The following CHRM3 variants were observed in gnomAD, a reference collection of about 807,000 sequenced individuals.
CHRM3 encodes the protein muscarinic acetylcholine receptor M3.
CHRM3 carries 11 observed loss-of-function variants against 41.8 expected under a neutral mutation model. The ratio of observed to expected loss-of-function variants is 0.26; its 90% confidence interval spans 0.17 to 0.44. CHRM3 has a LOEUF of 0.44. CHRM3 is among the 20% of genes least tolerant of loss of function. The pLI is 1.00. For missense variants in CHRM3, 571 were observed against 745.4 expected, an observed-to-expected ratio of 0.77 and a Z score of 2.72; for synonymous variants, 297 against 301.4, an observed-to-expected ratio of 0.99 and a Z score of 0.15.
At chr1:239,616,863 A>G (rs1432113927) in intron 3 of CHRM3, among the ~76,000 whole-genome samples, 1 of 114,022 alleles carries the variant, frequency 8.8e-6, no homozygotes, top group East Asian at 2.2e-4. Flanking sequence ...TTCCAAATCC[A>G]TTAGTCATTG....
intron 3 of CHRM3, among the ~76,000 whole-genome samples, chr1:239,580,770 A>G (rs1662828755): frequency 6.9e-6 from 1 of 144,998 alleles, no homozygotes; most frequent in Admixed American, 7.1e-5. Flanking sequence ...ATATATGTAA[A>G]TATATATATA....
At chr1:239,464,235 G>A (rs953126479) in intron 1 of CHRM3, among the ~76,000 whole-genome samples, 2 of 149,424 alleles carry the variant, frequency 1.3e-5, no homozygotes, top group Non-Finnish European at 3.0e-5. Flanking sequence ...AACCAAGATC[G>A]TGCCACTGCA....
intron 6 of CHRM3, among the ~76,000 whole-genome samples, chr1:239,838,415 A>G (rs1004523897): frequency 6.6e-6 from 1 of 152,154 alleles, no homozygotes; most frequent in African/African-American, 2.4e-5. Flanking sequence ...AGTTTTGGAC[A>G]ACTCTACAAT....
At chr1:239,778,034 C>T (rs143239621) in intron 5 of CHRM3, among the ~76,000 whole-genome samples, 1 of 152,138 alleles carries the variant, frequency 6.6e-6, no homozygotes, top group African/African-American at 2.4e-5. Context: ...GTGAAGGATG[C>T]ACTAAAATCT....
At chr1:239,619,116 T>C (rs1015395655) in intron 3 of CHRM3, among the ~76,000 whole-genome samples, 3 of 151,866 alleles carry the variant, frequency 2.0e-5, no homozygotes, top group African/African-American at 4.8e-5. Flanking sequence ...GGTTTTGCCA[T>C]GTTGGCCACA....
At chr1:239,897,966 G>A (rs1349167545) in intron 6 of CHRM3, 2 of 152,056 alleles carry the variant, frequency 1.3e-5, no homozygotes, top group Admixed American at 1.3e-4. Context: ...CATGAAAAGT[G>A]GCAACCGAGG....
At chr1:239,532,030 T>TTTG (rs1657635096) in intron 2 of CHRM3, among the ~76,000 whole-genome samples, 2 of 108,450 alleles carry the variant, frequency 1.8e-5, no homozygotes, top group African/African-American at 3.2e-5. Flanking sequence ...TTTTTTTTTT[T>TTTG]GAGACGGAGT....
At chr1:239,770,519 AT>A (rs977013440) in intron 5 of CHRM3, among the ~76,000 whole-genome samples, 11 of 152,202 alleles carry the variant, frequency 7.2e-5, no homozygotes, top group Non-Finnish European at 1.2e-4. Context: ...CTGGATAAAA[AT>A]TTCAATAATC....
intron 5 of CHRM3, among the ~76,000 whole-genome samples, chr1:239,714,493 G>A (rs1367803931): frequency 6.6e-6 from 1 of 152,152 alleles, no homozygotes. Context: ...GAGGAGGGAT[G>A]AGCAGAGGCA....
At chr1:239,505,902 C>T (rs1247401992) in intron 2 of CHRM3, among the ~76,000 whole-genome samples, 1 of 152,124 alleles carries the variant, frequency 6.6e-6, no homozygotes, top group African/African-American at 2.4e-5. Context: ...TTCTTAGCAA[C>T]TAGAGCAAAG....
Position 239,498,418 on chromosome 1 carries a change from T to C in CHRM3, c.-422+5611T>C, listed in dbSNP as rs1668018986. ...CAAAAATAACTTGCAAAAAATGGTT[T>C]ATTTCATAAAAAGTAAATTTGATTT... On this transcript the variant is annotated intron_variant, in intron 2 of 6. Transcript: ENST00000676153. Among the ~76,000 whole-genome samples, 5 of 152,162 alleles carry C rather than the reference T, an allele frequency of 3.3e-5. No homozygotes were observed. In the South Asian group the frequency reaches 1.0e-3, roughly 31 times the overall value.
At chr1:239,863,110 A>G (rs606778) in intron 6 of CHRM3, among the ~76,000 whole-genome samples, 136,346 of 152,198 alleles carry the variant, frequency 0.9, 63,002 homozygotes, top group East Asian at 1. Flanking sequence ...GACGGAGCCA[A>G]AACTCAAACC....
In CHRM3 at chr1:239,908,140, C is replaced by T; in HGVS notation, c.689C>T (p.Thr230Ile). 6 of 1,614,122 alleles carry T rather than the reference C, an allele frequency of 3.7e-6. No homozygotes were observed. The highest frequency in any genetic ancestry group is 5.1e-6 in the Non-Finnish European group (6 of 1,180,036). ...TTCATTCAGTTCCTCAGTGAGCCCA[C>T]CATTACTTTTGGCACAGCCATCGCT... is the stretch of plus-strand genomic sequence containing the variant. ...ECFIQFLSEP[T>I]ITFGTAIAAF... is the part of the protein sequence containing the mutation. Residue 230 changes from threonine to isoleucine, a missense_variant, in exon 7 of 7, where the codon ACC (threonine) becomes ATC (isoleucine). Physicochemically the swap from Thr to Ile is moderately conservative, Grantham distance 89 (BLOSUM62 -1). This residue lies in a region of CHRM3 where 153 missense variants were observed against 296.3 expected (regional missense o/e 0.52). Transcript: ENST00000676153. The surrounding 1 kb of genome is among the most constrained non-coding windows in gnomAD (Gnocchi z 7.2).
intron 2 of CHRM3, among the ~76,000 whole-genome samples, chr1:239,520,252 AT>A (rs1352099680): frequency 6.6e-6 from 1 of 152,200 alleles, no homozygotes; most frequent in Non-Finnish European, 1.5e-5. Context: ...GTACTCCAGT[AT>A]TTAACAGTGA....
rs192086633 is a variant in CHRM3 at position 239,468,583 on chromosome 1, C to A, written c.-520-24126C>A. ...GAAACAGCAGTCAGGTCTTTAAATT[C>A]TATGCTTTAGATGGTGCACTCAAGT... On this transcript the variant is annotated intron_variant, in intron 1 of 6. Coordinates refer to ENST00000676153, the MANE Select transcript of CHRM3 (RefSeq NM_001375978.1). Among the ~76,000 whole-genome samples, 33 of 152,234 alleles carry A rather than the reference C, an allele frequency of 2.2e-4. No homozygotes were observed. In the East Asian group the frequency reaches 6.2e-3, roughly 29 times the overall value.
At chr1:239,660,389 C>A (rs1321029591) in intron 4 of CHRM3, among the ~76,000 whole-genome samples, 1 of 152,170 alleles carries the variant, frequency 6.6e-6, no homozygotes, top group Admixed American at 6.5e-5. Context: ...TTACAACTTT[C>A]TTCTTCCCTA....
intron 6 of CHRM3, among the ~76,000 whole-genome samples, chr1:239,848,420 A>G (rs1572479095): frequency 6.6e-6 from 1 of 152,152 alleles, no homozygotes; most frequent in African/African-American, 2.4e-5. Flanking sequence ...GGAAAACTGC[A>G]GTTGATTTTA....
At chr1:239,462,765 C>T (rs1665452230) in intron 1 of CHRM3, among the ~76,000 whole-genome samples, 1 of 152,204 alleles carries the variant, frequency 6.6e-6, no homozygotes, top group African/African-American at 2.4e-5. Flanking sequence ...GTTTACTTAA[C>T]AACTGTTTCT....
chr1:239,874,041 C>T (rs145260572), intron 6 of CHRM3, among the ~76,000 whole-genome samples: 2,007 of 151,502 alleles, frequency 0.013, 25 homozygotes, highest in Non-Finnish European at 0.02. Flanking sequence ...CTTATAGGAA[C>T]CTGAAGAGTA....
Sources: allele counts gnomAD v4.1 joint callset (sites outside exome capture counted in the v4.1 genomes callset), GRCh38; gene constraint gnomAD v4.1.1; regional missense constraint gnomAD v4.1.1; non-coding constraint Gnocchi (gnomAD v3.1); transcripts MANE v1.5; gene names NCBI Gene and HGNC (gene_info 2026-07-23, HGNC 2026-07-21).